The following MAP2 variants were observed in gnomAD, a reference collection of about 807,000 sequenced individuals.
The protein encoded by MAP2 is microtubule associated protein 2.
MAP2 carries 14 observed loss-of-function variants against 137.6 expected under a neutral mutation model. The ratio of observed to expected loss-of-function variants is 0.10; its 90% CI spans 0.07 to 0.16. MAP2 has a LOEUF of 0.16. Ranked by LOEUF, MAP2 falls within the 10% of genes least tolerant of loss-of-function variation. The pLI is 1.00. For missense variants in MAP2, 2,088 were observed against 2,191.5 expected (o/e 0.95, Z 0.94); for synonymous variants, 786 against 782.3 (o/e 1.00, Z -0.08).
chr2:209,554,677 G>A (rs1020004695), intron 2 of MAP2, among the ~76,000 whole-genome samples: 1 of 151,882 alleles, frequency 6.6e-6, no homozygotes, highest in Non-Finnish European at 1.5e-5. Flanking sequence ...TAGAGCCTGG[G>A]ATGTTGAGGC....
At chr2:209,720,355 T>C (rs963811340) in intron 13 of MAP2, among the ~76,000 whole-genome samples, 2 of 152,116 alleles carry the variant, frequency 1.3e-5, no homozygotes, top group African/African-American at 4.8e-5. Flanking sequence ...TTACTTGAAA[T>C]AGGCCGGGCA....
At chr2:209,469,334 T>C (rs1028158761) in intron 1 of MAP2, among the ~76,000 whole-genome samples, 1 of 152,236 alleles carries the variant, frequency 6.6e-6, no homozygotes, top group African/African-American at 2.4e-5. Flanking sequence ...TGTTTGTTCC[T>C]GGTTGAAAAG....
At chr2:209,666,078 C>A (rs2046188721) in intron 5 of MAP2, among the ~76,000 whole-genome samples, 1 of 151,976 alleles carries the variant, frequency 6.6e-6, no homozygotes, top group African/African-American at 2.4e-5. Context: ...TTATTTATGT[C>A]TTTCTTTAAA....
chr2:209,502,743 A>G (rs188798619), intron 1 of MAP2, among the ~76,000 whole-genome samples: 180 of 152,102 alleles, frequency 1.2e-3, no homozygotes, highest in Non-Finnish European at 1.6e-3. Flanking sequence ...ACCACATCCA[A>G]CACTTATTTT....
intron 1 of MAP2, among the ~76,000 whole-genome samples, chr2:209,467,010 A>G (rs1210016336): frequency 6.6e-6 from 1 of 152,106 alleles, no homozygotes; most frequent in Non-Finnish European, 1.5e-5. Flanking sequence ...GTCAGAACTC[A>G]TCACCTCTTC....
chr2:209,554,619 C>G (rs2070061192), intron 2 of MAP2, among the ~76,000 whole-genome samples: 1 of 151,894 alleles, frequency 6.6e-6, no homozygotes, highest in Non-Finnish European at 1.5e-5. Flanking sequence ...GAAGCGTTGT[C>G]TCTACAAAAA....
chr2:209,609,184 A>T (rs369069745), intron 3 of MAP2, among the ~76,000 whole-genome samples: 1 of 151,980 alleles, frequency 6.6e-6, no homozygotes, highest in Admixed American at 6.6e-5. Flanking sequence ...ATTCATTCTG[A>T]ATATACATTT....
chr2:209,585,303 C>T (rs568826433), intron 3 of MAP2, among the ~76,000 whole-genome samples: 2 of 146,648 alleles, frequency 1.4e-5, no homozygotes, highest in African/African-American at 5.0e-5. Context: ...TTATAGAAAA[C>T]AAAGTTAAAA....
chr2:209,457,985 T>C (rs72997604), intron 1 of MAP2, among the ~76,000 whole-genome samples: 10,394 of 152,150 alleles, frequency 0.068, 447 homozygotes, highest in Middle Eastern at 0.1. Flanking sequence ...GACTGCCAAC[T>C]TTTTTTTGTT....
At chr2:209,609,991 G>A (rs1401798940) in intron 3 of MAP2, among the ~76,000 whole-genome samples, 6 of 151,982 alleles carry the variant, frequency 3.9e-5, no homozygotes, top group Non-Finnish European at 8.8e-5. Context: ...AAATAATTAT[G>A]GTTCATGTCC....
intron 5 of MAP2, among the ~76,000 whole-genome samples, chr2:209,656,754 C>G (rs1369082903): frequency 6.6e-6 from 1 of 152,050 alleles, no homozygotes; most frequent in African/African-American, 2.4e-5. Context: ...TAATTTTTAT[C>G]TTTATCTTTG....
At chr2:209,706,354 G>A (rs57853945) in intron 12 of MAP2, among the ~76,000 whole-genome samples, 18,124 of 151,948 alleles carry the variant, frequency 0.12, 1,392 homozygotes, top group East Asian at 0.23. Context: ...AATTACTTCC[G>A]TAAATATTTT....
At chr2:209,539,558 A>G (rs1044595864) in intron 2 of MAP2, among the ~76,000 whole-genome samples, 3 of 152,254 alleles carry the variant, frequency 2.0e-5, no homozygotes, top group African/African-American at 7.2e-5. Context: ...CTAAATGACT[A>G]TTCTCTAAAG....
chr2:209,435,981 C>A lies in MAP2; in HGVS notation c.-222+11705C>A, dbSNP rs1559159336. Among the ~76,000 whole-genome samples, 21 of 103,224 alleles carry A rather than the reference C, an allele frequency of 2.0e-4. 6 individuals are homozygous for A. Among genetic ancestry groups the A allele is most frequent in the East Asian group, 4.0e-4 (2 of 4,960 alleles). The allele number at this position is 103,224 out of a possible 152,430, so 67.7% of individuals were successfully genotyped here. ...CAGTATATATTATATATAATATATA[C>A]AGTATATATTATATACTATATATAC... is the stretch of plus-strand genomic sequence containing the variant. On this transcript the variant is annotated intron_variant, in intron 1 of 15. Coordinates refer to ENST00000682079, the MANE Select transcript of MAP2 (RefSeq NM_001375505.1).
intron 5 of MAP2, among the ~76,000 whole-genome samples, chr2:209,676,308 A>G (rs2051404623): frequency 6.6e-6 from 1 of 151,866 alleles, no homozygotes; most frequent in East Asian, 1.9e-4. Flanking sequence ...CATGTTCTCA[A>G]TTATAAGTGG....
intron 1 of MAP2, among the ~76,000 whole-genome samples, chr2:209,482,563 A>T (rs1160706918): frequency 6.6e-6 from 1 of 152,220 alleles, no homozygotes; most frequent in Non-Finnish European, 1.5e-5. Context: ...TTTTGCAAAC[A>T]TATTACTGAA....
At chr2:209,632,719 C>A (rs1309293832) in intron 4 of MAP2, among the ~76,000 whole-genome samples, 1 of 152,072 alleles carries the variant, frequency 6.6e-6, no homozygotes, top group African/African-American at 2.4e-5. Context: ...ATCAAGATAT[C>A]CAAGTAGAAA....
intron 3 of MAP2, among the ~76,000 whole-genome samples, chr2:209,615,145 A>G (rs946235552): frequency 5.3e-5 from 8 of 152,246 alleles, no homozygotes; most frequent in Admixed American, 2.6e-4. Flanking sequence ...TCTATAGACC[A>G]CAGCTGGAAT....
chr2:209,629,833 C>G (rs1159152890), intron 4 of MAP2, among the ~76,000 whole-genome samples: 1 of 152,140 alleles, frequency 6.6e-6, no homozygotes, highest in Non-Finnish European at 1.5e-5. Context: ...GTTAAAATAA[C>G]AATAACAGCC....
Sources: allele counts gnomAD v4.1 joint callset (sites outside exome capture counted in the v4.1 genomes callset), GRCh38; gene constraint gnomAD v4.1.1; transcripts MANE v1.5; gene names NCBI Gene and HGNC (gene_info 2026-07-23, HGNC 2026-07-21).